NGLY1: variants seen among roughly 807,000 people sequenced by gnomAD.
NGLY1 encodes the protein peptide-N(4)-(N-acetyl-beta-glucosaminyl)asparagine amidase.
In NGLY1, 68 loss-of-function variants were observed where a neutral mutation model predicts 84.6. The observed-to-expected ratio is 0.80, with a 90% CI of 0.66 to 0.98. The LOEUF (loss-of-function observed/expected upper bound fraction) is 0.98. Among genes scored for constraint, NGLY1 ranks in the 50% least tolerant of loss-of-function variants. The pLI is 0.00. For synonymous variants in NGLY1, 280 were observed against 275.2 expected, an observed-to-expected ratio of 1.02 and a Z score of -0.17; for missense variants, 779 against 770.2, an observed-to-expected ratio of 1.01 and a Z score of -0.14.
At position 25,720,807 on chromosome 3, in the gene NGLY1, T is replaced by C. The variant is rs113730590; in HGVS notation, c.1612-616A>G. 5.3e-3 allele frequency among the ~76,000 whole-genome samples: 813 copies of C among 152,184 alleles called. 3 individuals carry two copies. Among genetic ancestry groups the C allele is most frequent in the Non-Finnish European group, 9.0e-3 (611 of 67,994 alleles). On this transcript the variant is annotated intron_variant, in intron 10 of 11. Transcript: ENST00000280700. ...TCCAGCTCATCCCCTCTCATACTTT[T>C]ATCTACACTCCTCAAAACATTGCCA...
chr3:25,772,884 T>C (rs1411220123), intron 2 of NGLY1, among the ~76,000 whole-genome samples: 1 of 152,338 alleles, frequency 6.6e-6, no homozygotes, highest in East Asian at 1.9e-4. Context: ...CCTTCATTTA[T>C]GAAGCTTAGT....
intron 3 of NGLY1, among the ~76,000 whole-genome samples, chr3:25,758,984 T>C (rs1296454259): frequency 6.6e-6 from 1 of 152,230 alleles, no homozygotes; most frequent in Non-Finnish European, 1.5e-5. Context: ...TCAGCCAGCC[T>C]GGAATTATGT....
At chr3:25,734,866 G>C (rs1452156713) in intron 7 of NGLY1, 2 of 905,268 alleles carry the variant, frequency 2.2e-6, no homozygotes, top group Non-Finnish European at 2.6e-6. Flanking sequence ...AAATTTATCT[G>C]CAAAGCTGAT....
intron 7 of NGLY1, 164 bp from the exon 8 acceptor site, chr3:25,734,146 A>AACCTCT: frequency 1.2e-6 from 1 of 831,000 alleles, no homozygotes; most frequent in Non-Finnish European, 1.8e-6. Flanking sequence ...AGCTCACTGC[A>AACCTCT]GTCTCACTTC....
intron 10 of NGLY1, among the ~76,000 whole-genome samples, chr3:25,727,543 C>A (rs1449134052): frequency 6.6e-6 from 1 of 152,162 alleles, no homozygotes; most frequent in South Asian, 2.1e-4. Context: ...GCTAATTACT[C>A]CCACCTCACT....
chr3:25,785,015 C>CT (rs1456786894), upstream of NGLY1, among the ~76,000 whole-genome samples: 1 of 151,870 alleles, frequency 6.6e-6, no homozygotes, highest in Non-Finnish European at 1.5e-5. Context: ...GCCATAAGGT[C>CT]TGTCTCAACT....
At chr3:25,773,322 T>A (rs1386500713) in intron 2 of NGLY1, among the ~76,000 whole-genome samples, 1 of 152,134 alleles carries the variant, frequency 6.6e-6, no homozygotes, top group Non-Finnish European at 1.5e-5. Context: ...CTTTGATCAT[T>A]TTTAAAATTC....
chr3:25,734,573 G>T, intron 7 of NGLY1: 1 of 156,796 alleles, frequency 6.4e-6, no homozygotes, highest in Non-Finnish European at 1.4e-5. Context: ...TTAGCCAGGT[G>T]TGGTGGCATG....
At chr3:25,728,918 T>C (rs1373924413) in intron 10 of NGLY1, among the ~76,000 whole-genome samples, 1 of 152,134 alleles carries the variant, frequency 6.6e-6, no homozygotes, top group East Asian at 1.9e-4. Flanking sequence ...TCATCCTCTT[T>C]GATGAAAACA....
chr3:25,731,862 A>G (rs560345162), intron 9 of NGLY1, among the ~76,000 whole-genome samples: 1 of 152,164 alleles, frequency 6.6e-6, no homozygotes, highest in Non-Finnish European at 1.5e-5. Flanking sequence ...AATAACAGGC[A>G]AAACTAATAT....
At chr3:25,755,785 T>C in intron 3 of NGLY1, 1 of 679,564 alleles carries the variant, frequency 1.5e-6, no homozygotes, top group Non-Finnish European at 2.5e-6. Context: ...TAAAAGACTT[T>C]CATATTAGTT....
chr3:25,780,014 C>T (rs1437962575), intron 1 of NGLY1, among the ~76,000 whole-genome samples: 1 of 152,058 alleles, frequency 6.6e-6, no homozygotes, highest in South Asian at 2.1e-4. Context: ...ATTGAATGTT[C>T]GGTATACAGC....
upstream of NGLY1, among the ~76,000 whole-genome samples, chr3:25,786,584 C>T (rs1263152974): frequency 1.3e-5 from 2 of 152,146 alleles, no homozygotes; most frequent in South Asian, 2.1e-4. Context: ...GTGGGGGAAG[C>T]AGCCAGGAAA....
At chr3:25,750,498 T>TA (rs1299185517) in intron 4 of NGLY1, among the ~76,000 whole-genome samples, 1 of 152,144 alleles carries the variant, frequency 6.6e-6, no homozygotes, top group African/African-American at 2.4e-5. Context: ...GGGGAAGGAT[T>TA]ATTACTTAAT....
chr3:25,755,782 C>T (rs1289294573), intron 3 of NGLY1: 1 of 697,138 alleles, frequency 1.4e-6, no homozygotes. Flanking sequence ...CCTTAAAAGA[C>T]TTTCATATTA....
At chr3:25,789,791 CGACAAAAGGGAA>C (rs1708682385) in intron 1 of NGLY1, 9 of 1,489,760 alleles carry the variant, frequency 6.0e-6, no homozygotes, top group Non-Finnish European at 7.3e-6. Flanking sequence ...GTCCCTTCTC[CGACAAAAGGGAA>C]TATTTGGGCA....
chr3:25,759,994 CTTTAT>C (rs1184823000), intron 3 of NGLY1, among the ~76,000 whole-genome samples: 1 of 151,382 alleles, frequency 6.6e-6, no homozygotes, highest in African/African-American at 2.4e-5. Context: ...TTATGCAACC[CTTTAT>C]TTTGAGGCTT....
chr3:25,789,216 TCA>T (rs1708667931), intron 1 of NGLY1, among the ~76,000 whole-genome samples: 1 of 152,190 alleles, frequency 6.6e-6, no homozygotes, highest in Admixed American at 6.5e-5. Context: ...AATGAATTTT[TCA>T]CACTTAGAAA....
intron 3 of NGLY1, among the ~76,000 whole-genome samples, chr3:25,755,859 C>T (rs1034664952): frequency 1.3e-5 from 2 of 152,150 alleles, no homozygotes; most frequent in African/African-American, 4.8e-5. Context: ...CAATTACAAA[C>T]AGTTAAGTAC....
Sources: gnomAD v4.1 joint callset for allele counts (sites outside exome capture counted in the v4.1 genomes callset) on GRCh38, gnomAD v4.1.1 for gene constraint, MANE v1.5 for transcripts, NCBI Gene and HGNC (gene_info 2026-07-23, HGNC 2026-07-21) for gene names.